FKBP5: variants seen among roughly 807,000 people sequenced by gnomAD.
The protein encoded by FKBP5 is FKBP prolyl isomerase 5.
Under a neutral mutation model 50.5 loss-of-function variants are expected in FKBP5, and 23 were observed. The observed-to-expected ratio is 0.46, with a 90% CI of 0.33 to 0.65. The LOEUF is 0.65. Ranked by LOEUF, FKBP5 falls within the 30% of genes least tolerant of loss-of-function variation. FKBP5 has a pLI of 0.02. For synonymous variants in FKBP5, 176 were observed against 190.6 expected (o/e 0.92, Z 0.63); for missense variants, 411 against 553.1 (o/e 0.74, Z 2.58).
chr6:35,592,755 T>C (rs1293332947), intron 6 of FKBP5, among the ~76,000 whole-genome samples: 1 of 152,216 alleles, frequency 6.6e-6, no homozygotes, highest in East Asian at 1.9e-4. Context: ...CAGGAAACCT[T>C]TGGCAATGTC....
At chr6:35,602,629 G>A (rs115061314) in intron 5 of FKBP5, among the ~76,000 whole-genome samples, 1,758 of 151,900 alleles carry the variant, frequency 0.012, 13 homozygotes, top group Non-Finnish European at 0.018. Context: ...AGCAAGCAGA[G>A]ATGGCTTTCT....
rs866319200 is a variant in FKBP5, at chr6:35,586,049, C to A, written c.840+985G>T. 3.5e-5 allele frequency: 34 copies of A among 985,108 alleles called. No individual in the cohort carries two copies. In the African/African-American group the frequency reaches 4.7e-4, roughly 14 times the overall value. 61.0% of individuals were successfully genotyped at this position (985,108 alleles called of 1,614,324 possible). A position where few individuals can be genotyped will look rare whatever the true frequency, so the allele number is the denominator to read the frequency against. ...ACTGCTTTATACTGCTGAAAAACAT[C>A]TAATTTCTGTATTGCAGTGGCAGAA... On this transcript the variant is annotated intron_variant, in intron 8 of 10. Coordinates refer to ENST00000357266, the MANE Select transcript of FKBP5 (RefSeq NM_004117.4).
In FKBP5 at chr6:35,641,047, T is replaced by C. The variant is rs540935101; in HGVS notation, c.105+1673A>G. Among the ~76,000 whole-genome samples the C allele has an allele frequency of 3.9e-5, 6 of 152,330 alleles. No individual in the cohort carries two copies. The East Asian group carries it at 7.7e-4, about 20-fold the overall frequency. On this transcript the variant is annotated intron_variant, in intron 2 of 10. Coordinates refer to ENST00000357266, the MANE Select transcript of FKBP5 (RefSeq NM_004117.4). ...AGGCTAGAATGCAGTGGTATGATCA[T>C]AGTTCACTGCAGCTTGGAACTCCCA... is the stretch of plus-strand genomic sequence containing the variant.
intron 5 of FKBP5, among the ~76,000 whole-genome samples, chr6:35,609,586 C>T (rs1763430448): frequency 6.6e-6 from 1 of 152,062 alleles, no homozygotes; most frequent in Non-Finnish European, 1.5e-5. Context: ...TCTTTTATTC[C>T]CTGTAGGAAA....
chr6:35,656,895 C>CA (rs35579361), intron 1 of FKBP5, among the ~76,000 whole-genome samples: 67,243 of 110,706 alleles, frequency 0.61, 20,392 homozygotes, highest in Non-Finnish European at 0.69. Context: ...GACTCCGTCT[C>CA]AAAAAAAAAA....
chr6:35,691,013 A>C (rs1437191446), upstream of FKBP5, among the ~76,000 whole-genome samples: 1 of 152,042 alleles, frequency 6.6e-6, no homozygotes, highest in African/African-American at 2.4e-5. Flanking sequence ...TCTCAAAAAA[A>C]ATAATAATAA....
chr6:35,701,012 T>C (rs1344795992), intron 2 of FKBP5, among the ~76,000 whole-genome samples: 2 of 151,934 alleles, frequency 1.3e-5, no homozygotes, highest in Non-Finnish European at 2.9e-5. Flanking sequence ...GGATGTCCAG[T>C]TAAATTTTAA....
At chr6:35,720,123 C>T (rs967492961) in intron 2 of FKBP5, among the ~76,000 whole-genome samples, 1 of 152,226 alleles carries the variant, frequency 6.6e-6, no homozygotes, top group Non-Finnish European at 1.5e-5. Flanking sequence ...TGCACCCCCA[C>T]CCCCAGCTGC....
chr6:35,617,436 C>G lies in FKBP5; in HGVS notation c.508+1660G>C, dbSNP rs1763694673. ...CTCGAACTCCTGGCCTCTAGTGATC[C>G]TCCTATCTCAGCCTCCCAAGTAGCT... is the stretch of plus-strand genomic sequence containing the variant. On this transcript the variant is annotated intron_variant, in intron 5 of 10. Transcript: ENST00000357266. Among the ~76,000 whole-genome samples the G allele has an allele frequency of 2.0e-5, 3 of 151,978 alleles. No individual in the cohort carries two copies. In the South Asian group the frequency reaches 6.2e-4, roughly 32 times the overall value.
intron 1 of FKBP5, among the ~76,000 whole-genome samples, chr6:35,721,765 C>A (rs1248411329): frequency 2.6e-5 from 4 of 152,200 alleles, no homozygotes; most frequent in African/African-American, 9.6e-5. Flanking sequence ...ACAATAGTGG[C>A]TTTACAGCCA....
At chr6:35,639,271 C>T (rs900907900) in intron 2 of FKBP5, among the ~76,000 whole-genome samples, 3 of 152,128 alleles carry the variant, frequency 2.0e-5, no homozygotes, top group Non-Finnish European at 2.9e-5. Context: ...CAAACAGGAA[C>T]TTAATCACAG....
At chr6:35,628,968 C>T (rs1032460681) in intron 3 of FKBP5, among the ~76,000 whole-genome samples, 4 of 152,144 alleles carry the variant, frequency 2.6e-5, no homozygotes, top group Admixed American at 6.5e-5. Flanking sequence ...CTGCCCGCCT[C>T]GGCCTCCCAA....
chr6:35,716,660 G>T (rs535370928), intron 2 of FKBP5, among the ~76,000 whole-genome samples: 1 of 152,248 alleles, frequency 6.6e-6, no homozygotes, highest in East Asian at 1.9e-4. Flanking sequence ...CGCTGAATTG[G>T]ATTTAATGGA....
At chr6:35,671,127 G>A (rs1765375060) in intron 1 of FKBP5, among the ~76,000 whole-genome samples, 1 of 152,008 alleles carries the variant, frequency 6.6e-6, no homozygotes, top group African/African-American at 2.4e-5. Flanking sequence ...AGTTGGGCAT[G>A]GTGGTGCACA....
intron 1 of FKBP5, among the ~76,000 whole-genome samples, chr6:35,721,729 C>T (rs1766614270): frequency 6.6e-6 from 1 of 152,250 alleles, no homozygotes. Flanking sequence ...GCTGGGATTA[C>T]AGGCATGAGC....
intron 6 of FKBP5, among the ~76,000 whole-genome samples, chr6:35,594,968 A>G (rs1273282065): frequency 6.6e-6 from 1 of 152,198 alleles, no homozygotes; most frequent in East Asian, 1.9e-4. Context: ...TCCGAGGGTA[A>G]AATGGAAGAG....
intron 8 of FKBP5, chr6:35,582,644 G>A (rs1762471848): frequency 1.0e-6 from 1 of 982,786 alleles, no homozygotes; most frequent in Non-Finnish European, 1.2e-6. Flanking sequence ...GCCACCCAGT[G>A]TATGGTATTT....
intron 3 of FKBP5, among the ~76,000 whole-genome samples, chr6:35,629,664 A>G (rs1009735653): frequency 6.6e-6 from 1 of 152,174 alleles, no homozygotes; most frequent in African/African-American, 2.4e-5. Flanking sequence ...CTATAGCACC[A>G]CAACACTGTA....
chr6:35,686,179 G>T (rs1581884363), intron 1 of FKBP5, among the ~76,000 whole-genome samples: 1 of 152,140 alleles, frequency 6.6e-6, no homozygotes, highest in South Asian at 2.1e-4. Context: ...AATGTTTATT[G>T]TGTGGATTTG....
Sources: gnomAD v4.1 joint callset for allele counts (sites outside exome capture counted in the v4.1 genomes callset) on GRCh38, gnomAD v4.1.1 for gene constraint, MANE v1.5 for transcripts, NCBI Gene and HGNC (gene_info 2026-07-23, HGNC 2026-07-21) for gene names.